FHOD3: variants seen among roughly 807,000 people sequenced by gnomAD.
The protein encoded by FHOD3 is FH1/FH2 domain-containing protein 3.
Under a neutral mutation model 173.0 loss-of-function variants are expected in FHOD3, and 90 were observed. The observed-to-expected ratio is 0.52, with a 90% CI of 0.44 to 0.62. The LOEUF (loss-of-function observed/expected upper bound fraction) is 0.62, where lower values mean the gene tolerates loss of function less well. Among genes scored for constraint, FHOD3 ranks in the 20% least tolerant of loss-of-function variants. The pLI, the probability that FHOD3 is intolerant of heterozygous loss-of-function variation, is 0.00. For missense variants in FHOD3, 1,945 were observed against 2,034.7 expected (o/e 0.96, Z 0.85); for synonymous variants, 828 against 823.0 (o/e 1.01, Z -0.10).
chr18:36,606,727 C>T (rs1172462215), intron 8 of FHOD3, among the ~76,000 whole-genome samples: 1 of 152,198 alleles, frequency 6.6e-6, no homozygotes, highest in African/African-American at 2.4e-5. Context: ...TTCCCTTTAG[C>T]TGTGAGTCTG....
chr18:36,363,442 C>G (rs2145904545), intron 2 of FHOD3, among the ~76,000 whole-genome samples: 1 of 152,218 alleles, frequency 6.6e-6, no homozygotes, highest in South Asian at 2.1e-4. Context: ...TTGTCCATAC[C>G]ATGAAATATT....
At chr18:36,626,790 G>A (rs1001815367) in intron 10 of FHOD3, among the ~76,000 whole-genome samples, 1 of 152,164 alleles carries the variant, frequency 6.6e-6, no homozygotes, top group African/African-American at 2.4e-5. Context: ...CCTTAAGAAA[G>A]AGTGATCAAG....
chr18:36,512,660 TAAAGACACCCTTTGGC>T, intron 5 of FHOD3, 117 bp downstream of exon 5: 1 of 722,716 alleles, frequency 1.4e-6, no homozygotes, highest in East Asian at 2.7e-5. Flanking sequence ...AGTAAGGTGG[TAAAGACACCCTTTGGC>T]AAAAAAACAT....
intron 5 of FHOD3, among the ~76,000 whole-genome samples, chr18:36,560,137 A>T (rs2058036280): frequency 6.6e-6 from 1 of 152,168 alleles, no homozygotes; most frequent in African/African-American, 2.4e-5. Context: ...GAATTAGCAT[A>T]AAAAACAGGG....
intron 1 of FHOD3, among the ~76,000 whole-genome samples, chr18:36,329,794 C>G (rs2044889403): frequency 6.9e-6 from 1 of 144,474 alleles, no homozygotes; most frequent in Non-Finnish European, 1.5e-5. Context: ...CACATCCCAA[C>G]AGGAGAGGGA....
At chr18:36,435,684 G>A (rs928560711) in intron 3 of FHOD3, among the ~76,000 whole-genome samples, 5 of 152,134 alleles carry the variant, frequency 3.3e-5, no homozygotes, top group Admixed American at 2.6e-4. Context: ...TAGAACAAAT[G>A]GAGTCAGTAA....
intron 5 of FHOD3, among the ~76,000 whole-genome samples, chr18:36,540,317 A>G (rs2057157583): frequency 6.6e-6 from 1 of 152,160 alleles, no homozygotes; most frequent in African/African-American, 2.4e-5. Flanking sequence ...TGACTCTCAG[A>G]ACTGTGGTGA....
At chr18:36,549,611 C>T (rs1037565797) in intron 5 of FHOD3, among the ~76,000 whole-genome samples, 5 of 131,140 alleles carry the variant, frequency 3.8e-5, no homozygotes, top group African/African-American at 1.5e-4. Context: ...GATCTCGGCT[C>T]ACTGCAACCT....
At chr18:36,454,871 C>A (rs1197403485) in intron 3 of FHOD3, among the ~76,000 whole-genome samples, 1 of 152,194 alleles carries the variant, frequency 6.6e-6, no homozygotes, top group Non-Finnish European at 1.5e-5. Context: ...TTCAGAGACA[C>A]CGGTTTTCAT....
At chr18:36,644,055 A>T (rs1346764994) in intron 10 of FHOD3, among the ~76,000 whole-genome samples, 1 of 152,164 alleles carries the variant, frequency 6.6e-6, no homozygotes, top group African/African-American at 2.4e-5. Context: ...CGCCCCAAAG[A>T]ACTGGTCAGG....
chr18:36,413,029 TG>T lies in FHOD3; in HGVS notation c.337+40288del, dbSNP rs1225249404. ...AAAGACACAACTGAAGATCTGGCAA[TG>T]GGCAGGGCCAGAGCAGAGAACTGCA... is the stretch of plus-strand genomic sequence containing the variant. On this transcript the variant is annotated intron_variant, in intron 3 of 28. Transcript: ENST00000590592. Among the ~76,000 whole-genome samples, 8 of 152,332 alleles carry T rather than the reference TG, an allele frequency of 5.3e-5. 1 individual carries two copies. The South Asian group carries it at 1.2e-3, about 24-fold the overall frequency.
chr18:36,552,559 C>T (rs934993053), intron 5 of FHOD3, among the ~76,000 whole-genome samples: 9 of 149,816 alleles, frequency 6.0e-5, no homozygotes, highest in Middle Eastern at 6.9e-3. Flanking sequence ...AGTGCAGTGG[C>T]GCGATCTCGG....
intron 8 of FHOD3, among the ~76,000 whole-genome samples, chr18:36,605,192 C>G (rs979340549): frequency 4.6e-5 from 7 of 152,132 alleles, no homozygotes; most frequent in Admixed American, 1.3e-4. Flanking sequence ...ATTTCCTGTC[C>G]TTTTTAGTCA....
chr18:36,352,926 C>T (rs1466013877), intron 1 of FHOD3, among the ~76,000 whole-genome samples: 1 of 152,200 alleles, frequency 6.6e-6, no homozygotes, highest in Non-Finnish European at 1.5e-5. Context: ...TACGTGTCAA[C>T]AGGTCCAATT....
intron 14 of FHOD3, among the ~76,000 whole-genome samples, chr18:36,670,719 C>T (rs544738091): frequency 6.6e-6 from 1 of 152,120 alleles, no homozygotes; most frequent in South Asian, 2.1e-4. Context: ...TACTTCTTTG[C>T]ATGCTTGGTC....
chr18:36,756,696 G>A (rs1412636475), intron 25 of FHOD3, among the ~76,000 whole-genome samples: 2 of 152,146 alleles, frequency 1.3e-5, no homozygotes, highest in Non-Finnish European at 2.9e-5. Flanking sequence ...TAAGAACCAC[G>A]GGATAATCAT....
At chr18:36,775,116 A>G (rs901761370) in intron 28 of FHOD3, among the ~76,000 whole-genome samples, 1 of 152,224 alleles carries the variant, frequency 6.6e-6, no homozygotes, top group African/African-American at 2.4e-5. Flanking sequence ...AGACATGGAC[A>G]TTTAAGGCAT....
chr18:36,648,784 A>AT (rs2035854934), intron 10 of FHOD3, among the ~76,000 whole-genome samples: 1 of 152,196 alleles, frequency 6.6e-6, no homozygotes, highest in Non-Finnish European at 1.5e-5. Context: ...GTGGCCATTC[A>AT]TTGAGAATAA....
At chr18:36,326,318 T>C (rs1245646221) in intron 1 of FHOD3, among the ~76,000 whole-genome samples, 2 of 152,240 alleles carry the variant, frequency 1.3e-5, no homozygotes, top group African/African-American at 4.8e-5. Flanking sequence ...TAAAAACTTA[T>C]TTACTCTTAA....
Sources: gnomAD v4.1 joint callset for allele counts (sites outside exome capture counted in the v4.1 genomes callset) on GRCh38, gnomAD v4.1.1 for gene constraint, MANE v1.5 for transcripts, NCBI Gene and HGNC (gene_info 2026-07-23, HGNC 2026-07-21) for gene names.